Variants in FAM177A1 observed in about 807,000 individuals in gnomAD.
FAM177A1 encodes family with sequence similarity 177 member A1, also known as protein FAM177A1.
In FAM177A1, 22 loss-of-function variants were observed where a neutral mutation model predicts 26.1. That is an observed-to-expected ratio of 0.84 (90% CI 0.60 to 1.20). FAM177A1 has a LOEUF of 1.20. Among genes scored for constraint, FAM177A1 ranks in the 50% most tolerant of loss-of-function variants. The pLI, the probability that FAM177A1 is intolerant of heterozygous loss-of-function variation, is 0.00. For synonymous variants in FAM177A1, 95 were observed against 99.3 expected (o/e 0.96, Z 0.26); for missense variants, 296 against 291.1 (o/e 1.02, Z -0.12).
chr14:35,053,967 T>A (rs1248638528), intron 2 of FAM177A1, among the ~76,000 whole-genome samples: 4 of 152,164 alleles, frequency 2.6e-5, no homozygotes, highest in African/African-American at 7.2e-5. Flanking sequence ...CACTCCAGCC[T>A]CGGGGACAGA....
chr14:35,046,664 C>T, intron 1 of FAM177A1, 36 bp downstream of exon 1: 2 of 1,508,390 alleles, frequency 1.3e-6, no homozygotes, highest in Non-Finnish European at 1.8e-6. Context: ...TCCGGGGAGC[C>T]GAGCCGCCTC....
At chr14:35,046,121 C>G (rs45447399), upstream of FAM177A1, 6,951 of 192,014 alleles carry the variant, frequency 0.036, 130 homozygotes, top group South Asian at 0.058. Flanking sequence ...GTCGAGACGC[C>G]AGGCTTCAGG....
rs368712835 is a variant in FAM177A1, at chr14:35,046,555, G to C, written c.92G>C (p.Gly31Ala). Residue 31 changes from glycine (G) to alanine (A), a missense_variant, in exon 1 of 5, where the codon GGT becomes GCT. Gly to Ala is a moderately conservative substitution (Grantham distance 60). Transcript: ENST00000280987. ...ACGATGGACCAGGAGCCAGTGGGCG[G>C]TGTGGAACGAGGAGAAGCCGTCGCA... ...ATTMDQEPVGGVERGEAVAAS... is the reference protein window; with the variant it reads ...ATTMDQEPVGAVERGEAVAAS... 1 of 1,593,870 alleles carries C rather than the reference G, an allele frequency of 6.3e-7. No individual in the cohort carries two copies. The highest frequency in any genetic ancestry group is 1.3e-5 in the African/African-American group (1 of 74,200).
chr14:35,056,647 C>T (rs1198699496), intron 2 of FAM177A1, among the ~76,000 whole-genome samples: 1 of 152,108 alleles, frequency 6.6e-6, no homozygotes, highest in African/African-American at 2.4e-5. Context: ...TGTGAGCCAG[C>T]GCCTGGCCTT....
intron 2 of FAM177A1, among the ~76,000 whole-genome samples, chr14:35,067,630 AT>A (rs1233031814): frequency 2.4e-4 from 36 of 152,188 alleles, no homozygotes; most frequent in African/African-American, 8.7e-4. Context: ...GGCTGTACTG[AT>A]TTGCATTCCC....
chr14:35,074,573 G>A (rs997823627), intron 2 of FAM177A1, among the ~76,000 whole-genome samples: 1 of 151,416 alleles, frequency 6.6e-6, no homozygotes, highest in Admixed American at 6.6e-5. Flanking sequence ...TGATCCACCC[G>A]CCTCAGCCTC....
At chr14:35,072,850 C>T (rs557451828) in intron 2 of FAM177A1, among the ~76,000 whole-genome samples, 29 of 152,060 alleles carry the variant, frequency 1.9e-4, no homozygotes, top group Non-Finnish European at 3.5e-4. Context: ...CCACCCTCCA[C>T]CCCCCCTTTC....
At chr14:35,059,877 C>A (rs1013789586) in intron 2 of FAM177A1, among the ~76,000 whole-genome samples, 2 of 151,650 alleles carry the variant, frequency 1.3e-5, no homozygotes, top group Non-Finnish European at 2.9e-5. Context: ...GACAACCAAG[C>A]TGGTCTTGAA....
In FAM177A1 at chr14:35,046,592, T is replaced by TGCGGCCGCC; in HGVS notation, c.135_143dup (p.Ala46_Ala48dup). ...GAGAAGCCGTCGCAGCCTCGGGAGC[T>TGCGGCCGCC]GCGGCCGCCGCGGCATTCGGGGAAT... On this transcript the variant is annotated inframe_insertion, in exon 1 of 5. Coordinates refer to ENST00000280987, the MANE Select transcript of FAM177A1 (RefSeq NM_173607.5). 2 of 1,557,498 alleles carry TGCGGCCGCC rather than the reference T, an allele frequency of 1.3e-6. No homozygotes were observed. The highest frequency in any genetic ancestry group is 1.7e-6 in the Non-Finnish European group (2 of 1,152,780).
At chr14:35,078,879 A>G (rs1334995041) in intron 3 of FAM177A1, 48 bp from the exon 4 acceptor site, 1 of 1,371,102 alleles carries the variant, frequency 7.3e-7, no homozygotes, top group Non-Finnish European at 9.7e-7. Flanking sequence ...AAAGTGCTCA[A>G]GAAATGTTTA....
intron 3 of FAM177A1, among the ~76,000 whole-genome samples, chr14:35,077,468 C>CTTTTTTTT (rs150813883): frequency 7.5e-5 from 6 of 79,528 alleles, no homozygotes; most frequent in African/African-American, 1.9e-4. Context: ...TTTTCAAGTT[C>CTTTTTTTT]TTTTTTTTTT....
intron 2 of FAM177A1, among the ~76,000 whole-genome samples, chr14:35,071,157 C>A (rs553305103): frequency 6.6e-6 from 1 of 151,894 alleles, no homozygotes; most frequent in African/African-American, 2.4e-5. Context: ...CCACCACGCC[C>A]GGCTGATTTT....
intron 2 of FAM177A1, among the ~76,000 whole-genome samples, chr14:35,057,408 A>G (rs1385239167): frequency 6.6e-6 from 1 of 151,200 alleles, no homozygotes; most frequent in Non-Finnish European, 1.5e-5. Context: ...TTTGAGACGG[A>G]GTCTCACTCT....
intron 1 of FAM177A1, chr14:35,047,064 T>A: frequency 1.0e-6 from 1 of 970,820 alleles, no homozygotes; most frequent in Non-Finnish European, 1.2e-6. Flanking sequence ...ATTCACTGGA[T>A]CCTTACAGTA....
chr14:35,079,940 T>C (rs546104650), intron 4 of FAM177A1, among the ~76,000 whole-genome samples: 1 of 152,318 alleles, frequency 6.6e-6, no homozygotes, highest in South Asian at 2.1e-4. Flanking sequence ...TGACTTAATA[T>C]TTGTCATATG....
chr14:35,067,690 T>C (rs1253172931), intron 2 of FAM177A1, among the ~76,000 whole-genome samples: 1 of 152,234 alleles, frequency 6.6e-6, no homozygotes, highest in Non-Finnish European at 1.5e-5. Context: ...CCAACATTTG[T>C]TATCTTTTAT....
intron 1 of FAM177A1, among the ~76,000 whole-genome samples, chr14:35,048,089 C>T (rs2139053850): frequency 6.6e-6 from 1 of 152,200 alleles, no homozygotes; most frequent in Admixed American, 6.5e-5. Context: ...TTTTTCCCTC[C>T]TACTTAAGAA....
chr14:35,052,939 A>G (rs2044997692), intron 1 of FAM177A1, among the ~76,000 whole-genome samples: 1 of 152,208 alleles, frequency 6.6e-6, no homozygotes, highest in South Asian at 2.1e-4. Flanking sequence ...AAAATTCCAT[A>G]GACTACTAAA....
chr14:35,072,676 T>G (rs575179962), intron 2 of FAM177A1, among the ~76,000 whole-genome samples: 1 of 152,196 alleles, frequency 6.6e-6, no homozygotes, highest in African/African-American at 2.4e-5. Flanking sequence ...TCTGCCAGAT[T>G]GTCTAATGTC....
Sources: gnomAD v4.1 joint callset for allele counts (sites outside exome capture counted in the v4.1 genomes callset) on GRCh38, gnomAD v4.1.1 for gene constraint, MANE v1.5 for transcripts, NCBI Gene and HGNC (gene_info 2026-07-23, HGNC 2026-07-21) for gene names.